The following CNTN3 variants were observed in gnomAD, a reference collection of about 807,000 sequenced individuals.
CNTN3 encodes the protein contactin 3.
Under a neutral mutation model 119.1 loss-of-function variants are expected in CNTN3, and 60 were observed. The observed-to-expected ratio is 0.50, with a 90% CI of 0.41 to 0.62. The LOEUF (loss-of-function observed/expected upper bound fraction) is 0.62, where lower values mean the gene tolerates loss of function less well. Ranked by LOEUF, CNTN3 falls within the 20% of genes least tolerant of loss-of-function variation. CNTN3 has a pLI of 0.00. For missense variants in CNTN3, 1,101 were observed against 1,242.4 expected (o/e 0.89, Z 1.71); for synonymous variants, 450 against 438.7 (o/e 1.03, Z -0.32).
rs75418734 is a variant in CNTN3, at chr3:74,364,383, T to G, written c.1213+84A>C. The G allele has an allele frequency of 6.6e-3, 8,948 of 1,347,114 alleles. 388 individuals are homozygous for G. In the African/African-American group the frequency reaches 0.097, roughly 15 times the overall value. The allele number at this position is 1,347,114 out of a possible 1,614,324, so 83.4% of individuals were successfully genotyped here. ...TATTATTAGATGTAGGAACCTAATG[T>G]GAAAAGTAAATATTACTGCTTCTGG... On this transcript the variant is annotated intron_variant, in intron 10 of 22. Transcript: ENST00000263665.
chr3:74,564,587 A>G (rs954476952), intron 1 of CNTN3, among the ~76,000 whole-genome samples: 2 of 150,704 alleles, frequency 1.3e-5, no homozygotes, highest in Non-Finnish European at 1.5e-5. Context: ...AGTAGGCACA[A>G]GGTCCTGTAC....
chr3:74,585,377 C>T (rs1029625112), intron 1 of CNTN3, among the ~76,000 whole-genome samples: 1 of 152,086 alleles, frequency 6.6e-6, no homozygotes, highest in South Asian at 2.1e-4. Flanking sequence ...TAAGCCCAAA[C>T]TCCATGGATT....
At chr3:74,510,170 C>T (rs1245582486) in intron 2 of CNTN3, among the ~76,000 whole-genome samples, 1 of 152,006 alleles carries the variant, frequency 6.6e-6, no homozygotes, top group African/African-American at 2.4e-5. Context: ...CAGCTGATCA[C>T]AGAAAGACTT....
chr3:74,298,155 C>T lies in CNTN3; in HGVS notation c.2203G>A (p.Gly735Arg), dbSNP rs1702380018. ...AGAGGGCGGAAAGCAACAACATACC[C>T]AAAACCTTCACCATTCTGTAGTTCT... ...PEELQNGEGF[G>R]YVVAFRPLGV... Residue 735 changes from glycine to arginine, a missense_variant, in exon 18 of 23, where the codon GGG (glycine) becomes AGG (arginine). Gly to Arg is a moderately radical substitution (Grantham distance 125, BLOSUM62 -2). Coordinates refer to ENST00000263665, the MANE Select transcript of CNTN3 (RefSeq NM_020872.3). 1.2e-6 allele frequency: 2 copies of T among 1,606,576 alleles called. No individual in the cohort carries two copies. Among genetic ancestry groups the T allele is most frequent in the Non-Finnish European group, 1.7e-6 (2 of 1,175,488 alleles).
intron 4 of CNTN3, among the ~76,000 whole-genome samples, chr3:74,470,872 TG>T (rs1344235111): frequency 2.8e-3 from 83 of 29,628 alleles, no homozygotes; most frequent in African/African-American, 0.014. Flanking sequence ...TTCGGTTTTT[TG>T]TTGTTGTTGT....
At chr3:74,597,973 T>G (rs777965305) in intron 1 of CNTN3, among the ~76,000 whole-genome samples, 3 of 152,024 alleles carry the variant, frequency 2.0e-5, no homozygotes, top group Non-Finnish European at 4.4e-5. Context: ...GCTTCTAGAA[T>G]AAAACAAAGG....
intron 18 of CNTN3, among the ~76,000 whole-genome samples, chr3:74,297,384 GAA>G (rs72102148): frequency 4.1e-5 from 6 of 145,150 alleles, no homozygotes; most frequent in African/African-American, 1.3e-4. Flanking sequence ...ATGCCCAGAA[GAA>G]AAAAAAAACA....
At chr3:74,385,499 C>A (rs1342113672) in intron 5 of CNTN3, among the ~76,000 whole-genome samples, 2 of 152,068 alleles carry the variant, frequency 1.3e-5, no homozygotes, top group African/African-American at 4.8e-5. Flanking sequence ...GAGCTTTTTG[C>A]GTAATTTTGG....
intron 8 of CNTN3, among the ~76,000 whole-genome samples, chr3:74,367,371 A>T (rs2106784410): frequency 6.6e-6 from 1 of 152,164 alleles, no homozygotes; most frequent in South Asian, 2.1e-4. Context: ...CTTATTCCTA[A>T]AATAACACCA....
At chr3:74,563,479 C>T (rs1704183051) in intron 1 of CNTN3, among the ~76,000 whole-genome samples, 1 of 152,054 alleles carries the variant, frequency 6.6e-6, no homozygotes, top group African/African-American at 2.4e-5. Flanking sequence ...CCTAACATTC[C>T]TTTTACTGGT....
At chr3:74,491,772 T>C (rs1048359716) in intron 3 of CNTN3, among the ~76,000 whole-genome samples, 1 of 152,190 alleles carries the variant, frequency 6.6e-6, no homozygotes, top group Non-Finnish European at 1.5e-5. Flanking sequence ...CATAATTCTT[T>C]GTAAAAATTA....
chr3:74,368,014 T>A (rs919042822), intron 8 of CNTN3, among the ~76,000 whole-genome samples: 3 of 152,006 alleles, frequency 2.0e-5, no homozygotes, highest in Non-Finnish European at 4.4e-5. Context: ...TTCCATAGAA[T>A]CCTAGGAACC....
intron 5 of CNTN3, among the ~76,000 whole-genome samples, chr3:74,404,013 A>C (rs1705260806): frequency 1.3e-5 from 2 of 152,038 alleles, no homozygotes; most frequent in African/African-American, 2.4e-5. Flanking sequence ...TGCTCTTACA[A>C]GACTCGCTAT....
At chr3:74,363,492 T>A (rs1261225953) in intron 10 of CNTN3, among the ~76,000 whole-genome samples, 2 of 152,152 alleles carry the variant, frequency 1.3e-5, no homozygotes, top group Non-Finnish European at 1.5e-5. Context: ...TAAATTTCCC[T>A]CAGGGCAAAA....
At position 74,358,596 on chromosome 3, in the gene CNTN3, G is replaced by T. The variant is rs867764416; in HGVS notation, c.1364+3294C>A. Reference sequence around the variant, plus strand: ...GAAGTGTATTCTTTTTTTTTTTTTTGATTTATTTATTTATTTATTTATTTT... The same window carrying T: ...GAAGTGTATTCTTTTTTTTTTTTTTTATTTATTTATTTATTTATTTATTTT... On this transcript the variant is annotated intron_variant, in intron 11 of 22. Transcript: ENST00000263665. 8.2e-4 allele frequency among the ~76,000 whole-genome samples: 113 copies of T among 137,522 alleles called. 1 individual carries two copies. Among genetic ancestry groups the T allele is most frequent in the African/African-American group, 1.4e-3 (50 of 35,784 alleles). 90.2% of individuals were successfully genotyped at this position (137,522 alleles called of 152,430 possible).
At chr3:74,507,922 G>A (rs563478285) in intron 2 of CNTN3, among the ~76,000 whole-genome samples, 16 of 151,564 alleles carry the variant, frequency 1.1e-4, no homozygotes, top group Non-Finnish European at 2.2e-4. Flanking sequence ...ATGAGCCACC[G>A]CGCCTGGCCT....
intron 1 of CNTN3, among the ~76,000 whole-genome samples, chr3:74,593,829 T>C (rs1279196660): frequency 6.6e-6 from 1 of 152,112 alleles, no homozygotes; most frequent in Non-Finnish European, 1.5e-5. Context: ...CCTCACGGAC[T>C]TGGAAATTCT....
intron 1 of CNTN3, among the ~76,000 whole-genome samples, chr3:74,607,440 G>T (rs573887319): frequency 4.5e-4 from 69 of 152,310 alleles, no homozygotes; most frequent in African/African-American, 1.6e-3. Context: ...GAAATAAAAT[G>T]AACTGCGATT....
chr3:74,592,351 G>C (rs1218389051), intron 1 of CNTN3, among the ~76,000 whole-genome samples: 3 of 151,824 alleles, frequency 2.0e-5, no homozygotes, highest in African/African-American at 7.3e-5. Flanking sequence ...ATTACTGACT[G>C]CAATATAGAG....
Sources: allele counts gnomAD v4.1 joint callset (sites outside exome capture counted in the v4.1 genomes callset), GRCh38; gene constraint gnomAD v4.1.1; transcripts MANE v1.5; gene names NCBI Gene and HGNC (gene_info 2026-07-23, HGNC 2026-07-21).